The following PCID2 variants were observed in gnomAD, a reference collection of about 807,000 sequenced individuals.
PCID2 encodes PCI domain containing 2, also known as PCI domain-containing protein 2.
PCID2 carries 41 observed loss-of-function variants against 61.3 expected under a neutral mutation model. The observed-to-expected ratio is 0.67, with a 90% CI of 0.52 to 0.87. The LOEUF (loss-of-function observed/expected upper bound fraction) is 0.87, where lower values mean the gene tolerates loss of function less well. PCID2 is among the 40% of genes least tolerant of loss of function. PCID2 has a pLI of 0.00. For missense variants in PCID2, 392 were observed against 493.4 expected, an observed-to-expected ratio of 0.79 and a Z score of 1.95; for synonymous variants, 187 against 177.8, an observed-to-expected ratio of 1.05 and a Z score of -0.41.
At chr13:113,170,948 A>T in the PCID2 span, among the ~76,000 whole-genome samples, 1 of 150,788 alleles carries the variant, frequency 6.6e-6, no homozygotes, top group Non-Finnish European at 1.5e-5. Flanking sequence ...TTTGAGACAG[A>T]GTCTCACTCA....
intron 10 of PCID2, 151 bp from the exon 11 acceptor site, chr13:113,180,382 AAAC>A (rs1282705923): frequency 4.7e-6 from 3 of 641,712 alleles, no homozygotes; most frequent in Non-Finnish European, 8.3e-6. Context: ...TACACTAGGA[AAAC>A]AACACAGGTC....
chr13:113,181,270 A>G (rs946643082), intron 9 of PCID2, 40 bp from the exon 10 acceptor site: 3 of 1,291,634 alleles, frequency 2.3e-6, no homozygotes, highest in Non-Finnish European at 3.4e-6. Context: ...AGACCAACGC[A>G]CCTGCTTCAG....
At chr13:113,173,112 G>A (rs2037143381), downstream of PCID2, among the ~76,000 whole-genome samples, 1 of 152,170 alleles carries the variant, frequency 6.6e-6, no homozygotes, top group Non-Finnish European at 1.5e-5. Context: ...CACCAAATCT[G>A]CCGGCACCCA....
intron 2 of PCID2, among the ~76,000 whole-genome samples, chr13:113,198,659 C>T (rs2039198120): frequency 1.3e-5 from 2 of 152,150 alleles, no homozygotes; most frequent in Admixed American, 6.5e-5. Context: ...AAGCCAAGAT[C>T]GTGCCACTGC....
chr13:113,197,237 A>C lies in PCID2; in HGVS notation c.207T>G (p.Thr69=). The C allele has an allele frequency of 6.2e-7, 1 of 1,609,818 alleles. No homozygotes were observed. The highest frequency in any genetic ancestry group is 1.1e-5 in the South Asian group (1 of 91,006). Residue 69 remains threonine (T), a synonymous_variant, in exon 4 of 14, where the codon ACT becomes ACG. Transcript: ENST00000337344. ...DEMFAAHLRC[T]YAVGNHDFIE... Reference sequence around the variant, plus strand: ...TGAAGTCATGATTCCCCACTGCATAAGTGCACCTGGAGGAGAAACAGAAAC... The same window carrying C: ...TGAAGTCATGATTCCCCACTGCATACGTGCACCTGGAGGAGAAACAGAAAC...
chr13:113,175,659 G>A (rs181056977), downstream of PCID2, among the ~76,000 whole-genome samples: 3 of 152,324 alleles, frequency 2.0e-5, no homozygotes, highest in African/African-American at 4.8e-5. Context: ...CACTTGTCAC[G>A]ACTGCCAGCG....
the PCID2 span, chr13:113,172,243 A>G: frequency 4.1e-6 from 5 of 1,217,776 alleles, no homozygotes; most frequent in South Asian, 5.2e-5. Flanking sequence ...TGGCCCACGC[A>G]GCAGCAGAGC....
At chr13:113,201,743 C>T (rs1411133006) in intron 1 of PCID2, among the ~76,000 whole-genome samples, 6 of 143,474 alleles carry the variant, frequency 4.2e-5, no homozygotes, top group Non-Finnish European at 4.5e-5. Context: ...ACCCAGGAGG[C>T]GGAGCTTGCA....
downstream of PCID2, among the ~76,000 whole-genome samples, chr13:113,174,693 A>T (rs1184146734): frequency 6.6e-6 from 1 of 152,214 alleles, no homozygotes; most frequent in Non-Finnish European, 1.5e-5. Flanking sequence ...CATATTGCCC[A>T]GGCTGGTCTC....
downstream of PCID2, among the ~76,000 whole-genome samples, chr13:113,173,295 C>A (rs1482952368): frequency 6.6e-6 from 1 of 152,198 alleles, no homozygotes; most frequent in Non-Finnish European, 1.5e-5. Flanking sequence ...GCAGTCCAGC[C>A]CCCAGTGAAA....
chr13:113,197,834 A>G (rs897737614), intron 3 of PCID2, among the ~76,000 whole-genome samples: 2 of 152,252 alleles, frequency 1.3e-5, no homozygotes, highest in Admixed American at 6.5e-5. Context: ...TGAAGTGTAC[A>G]TAAAAAGTAG....
In PCID2 at chr13:113,185,552, C is replaced by A; in HGVS notation, c.476G>T (p.Gly159Val). The A allele has an allele frequency of 6.2e-7, 1 of 1,607,088 alleles. No homozygotes were observed. The highest frequency in any genetic ancestry group is 1.1e-5 in the South Asian group (1 of 90,824). Residue 159 changes from glycine to valine, a missense_variant, in exon 8 of 14, where the codon GGT becomes GTT. Transcript: ENST00000337344. ...GCCCCACTTCTTAGAGTCCTCTATA[C>A]CAGCACGGCTATGGGGAAATAATTT... ...FRVCASDTRA[G>V]IEDSKKWGML...
chr13:113,186,531 G>T, intron 7 of PCID2: 1 of 135,948 alleles, frequency 7.4e-6, no homozygotes, highest in Non-Finnish European at 1.7e-5. Context: ...TTGACCACAT[G>T]TGAGATGGGG....
chr13:113,180,054 G>C lies in PCID2; in HGVS notation c.861-12C>G, dbSNP rs375297089. 1.1e-5 allele frequency: 18 copies of C among 1,613,714 alleles called. No homozygotes were observed. Among genetic ancestry groups the C allele is most frequent in the African/African-American group, 5.3e-5 (4 of 74,912 alleles). On this transcript the variant is annotated splice_polypyrimidine_tract_variant and intron_variant, in intron 11 of 13. Transcript: ENST00000337344. Reference sequence around the variant, plus strand: ...GCAGGTTGCCCTCGCTGGTGAGGGGGGAGGCGCGTCAGAAGGAGGGTGAGT... The same window carrying C: ...GCAGGTTGCCCTCGCTGGTGAGGGGCGAGGCGCGTCAGAAGGAGGGTGAGT...
chr13:113,172,498 A>C, the PCID2 span: 3 of 306,912 alleles, frequency 9.8e-6, no homozygotes, highest in African/African-American at 6.6e-5. Context: ...AAGCGACAAC[A>C]ATCTCCGGTT....
intron 7 of PCID2, among the ~76,000 whole-genome samples, chr13:113,190,311 G>C (rs543240068): frequency 3.3e-5 from 5 of 150,472 alleles, no homozygotes; most frequent in African/African-American, 1.2e-4. Flanking sequence ...CATAGCCAGA[G>C]GAAAAAGACC....
the PCID2 span, among the ~76,000 whole-genome samples, chr13:113,169,011 G>A: frequency 3.9e-3 from 590 of 152,288 alleles, 6 homozygotes; most frequent in Non-Finnish European, 6.8e-3. Context: ...TTATAGGCGT[G>A]AGCCACCATG....
intron 9 of PCID2, chr13:113,183,902 G>C (rs1271297151): frequency 1.2e-5 from 12 of 985,312 alleles, no homozygotes; most frequent in African/African-American, 1.7e-5. Context: ...CGAGAGCTTT[G>C]ACACCAGGTC....
At position 113,178,284 on chromosome 13, in the gene PCID2, G is replaced by T; in HGVS notation, c.1114C>A (p.His372Asn). 1 of 1,612,332 alleles carries T rather than the reference G, an allele frequency of 6.2e-7. No individual in the cohort carries two copies. Among genetic ancestry groups the T allele is most frequent in the Non-Finnish European group, 8.5e-7 (1 of 1,178,602 alleles). ...CILANLIYMG[H>N]VKGYISHQHQ... ...TGATGCGATATGTAGCCTTTGACGT[G>T]TCCCTGCGGGGCAGAAAGGGAGGAA... Residue 372 changes from histidine to asparagine, a missense_variant, in exon 14 of 14, where the codon CAC becomes AAC. Coordinates refer to ENST00000337344, the MANE Select transcript of PCID2 (RefSeq NM_001127202.4).
Sources: allele counts gnomAD v4.1 joint callset (sites outside exome capture counted in the v4.1 genomes callset), GRCh38; gene constraint gnomAD v4.1.1; transcripts MANE v1.5; gene names NCBI Gene and HGNC (gene_info 2026-07-23, HGNC 2026-07-21).